Variants in CYRIB observed in about 807,000 individuals in gnomAD.
CYRIB encodes the protein CYFIP-related Rac1 interactor B.
A neutral mutation model predicts 44.2 loss-of-function variants in CYRIB; 8 were observed. The ratio of observed to expected loss-of-function variants is 0.18; its 90% CI spans 0.11 to 0.33. The LOEUF (loss-of-function observed/expected upper bound fraction) is 0.33. Ranked by LOEUF, CYRIB falls within the 10% of genes least tolerant of loss-of-function variation. The pLI is 1.00. For synonymous variants in CYRIB, 131 were observed against 127.2 expected (o/e 1.03, Z -0.20); for missense variants, 185 against 382.8 (o/e 0.48, Z 4.31).
chr8:129,987,011 A>T (rs1276282412), intron 1 of CYRIB, among the ~76,000 whole-genome samples: 1 of 152,198 alleles, frequency 6.6e-6, no homozygotes, highest in Non-Finnish European at 1.5e-5. Flanking sequence ...GCCCCTAACT[A>T]GACAGTAAGA....
chr8:129,862,839 G>A (rs1016028166), intron 4 of CYRIB, among the ~76,000 whole-genome samples: 2 of 152,304 alleles, frequency 1.3e-5, no homozygotes, highest in Non-Finnish European at 2.9e-5. Flanking sequence ...CTCCATAGGA[G>A]TGCTAAGAGT....
At chr8:129,844,545 C>T (rs909452932) in intron 11 of CYRIB, 3 of 152,070 alleles carry the variant, frequency 2.0e-5, no homozygotes, top group Admixed American at 2.0e-4. Context: ...AATCTGAACT[C>T]CCAGCTCTCT....
At chr8:129,859,936 C>T (rs551976603) in intron 5 of CYRIB, among the ~76,000 whole-genome samples, 7 of 152,258 alleles carry the variant, frequency 4.6e-5, no homozygotes, top group South Asian at 2.1e-4. Context: ...GTAGTTAAAC[C>T]CTGTCAGCAA....
At chr8:129,912,699 GC>G (rs2078662601) in intron 1 of CYRIB, among the ~76,000 whole-genome samples, 2 of 151,914 alleles carry the variant, frequency 1.3e-5, no homozygotes, top group South Asian at 4.2e-4. Flanking sequence ...TTATTAGGAT[GC>G]CCAGGCTGGG....
At chr8:129,943,699 C>T (rs866289083), upstream of CYRIB, among the ~76,000 whole-genome samples, 5 of 144,188 alleles carry the variant, frequency 3.5e-5, no homozygotes, top group Non-Finnish European at 4.5e-5. Context: ...CCCGGGTTCA[C>T]GCCATTCTCC....
chr8:129,877,305 GTTA>G (rs1344591556), intron 3 of CYRIB, among the ~76,000 whole-genome samples: 1 of 152,046 alleles, frequency 6.6e-6, no homozygotes, highest in Non-Finnish European at 1.5e-5. Context: ...TGCATTATTG[GTTA>G]TTATTGTTGC....
chr8:129,856,640 C>T (rs2046338974), intron 5 of CYRIB, among the ~76,000 whole-genome samples: 2 of 152,192 alleles, frequency 1.3e-5, no homozygotes, highest in South Asian at 2.1e-4. Context: ...TATGTCAGGT[C>T]ATCAGCCCGT....
intron 1 of CYRIB, among the ~76,000 whole-genome samples, chr8:129,922,635 G>A (rs1022855001): frequency 4.6e-5 from 7 of 151,800 alleles, no homozygotes; most frequent in African/African-American, 1.2e-4. Flanking sequence ...AGGCCGAGGC[G>A]GGCGGATCAC....
chr8:129,980,193 A>G (rs1209933094), intron 1 of CYRIB, among the ~76,000 whole-genome samples: 1 of 145,408 alleles, frequency 6.9e-6, no homozygotes, highest in Non-Finnish European at 1.5e-5. Flanking sequence ...GCACCACTGC[A>G]CTCCAGCCCG....
At chr8:129,894,081 T>C (rs1031312777) in intron 2 of CYRIB, among the ~76,000 whole-genome samples, 15 of 152,218 alleles carry the variant, frequency 9.9e-5, no homozygotes, top group Non-Finnish European at 1.9e-4. Context: ...CCTCTACTGA[T>C]TGACAATGAG....
intron 4 of CYRIB, among the ~76,000 whole-genome samples, chr8:129,867,635 T>TA (rs1236195721): frequency 1.3e-5 from 2 of 151,980 alleles, no homozygotes; most frequent in Non-Finnish European, 2.9e-5. Context: ...TTCAACATTA[T>TA]TAGTACAGTG....
chr8:129,984,055 G>A (rs1340324446), intron 1 of CYRIB, among the ~76,000 whole-genome samples: 1 of 152,206 alleles, frequency 6.6e-6, no homozygotes, highest in East Asian at 1.9e-4. Flanking sequence ...CACAGCTGGG[G>A]CCTCCGTATT....
intron 7 of CYRIB, 45 bp downstream of exon 9, chr8:129,854,221 A>G (rs1466570975): frequency 7.5e-7 from 1 of 1,340,004 alleles, no homozygotes. Context: ...CAGGCTGAGC[A>G]CTAAGTTACT....
chr8:129,998,790 C>A (rs865790204), intron 1 of CYRIB, among the ~76,000 whole-genome samples: 2 of 152,172 alleles, frequency 1.3e-5, no homozygotes, highest in Non-Finnish European at 2.9e-5. Flanking sequence ...TGCCACCCCA[C>A]CCGGCTAATT....
At chr8:129,883,112 C>CAAAAAAAAAAAAAAAAAAAAAAAAAAAAA (rs34764499) in intron 2 of CYRIB, among the ~76,000 whole-genome samples, 1 of 41,242 alleles carries the variant, frequency 2.4e-5, no homozygotes, top group African/African-American at 9.7e-5. Context: ...GACTCCCTCT[C>CAAAAAAAAAAAAAAAAAAAAAAAAAAAAA]AAAAAAAAAA....
intron 2 of CYRIB, among the ~76,000 whole-genome samples, chr8:129,894,736 T>A (rs1025440055): frequency 2.0e-5 from 3 of 152,060 alleles, no homozygotes; most frequent in African/African-American, 7.2e-5. Flanking sequence ...AGCATCATAA[T>A]TTCTTATTTT....
intron 4 of CYRIB, among the ~76,000 whole-genome samples, chr8:129,862,540 G>T (rs1431155697): frequency 1.3e-5 from 2 of 151,810 alleles, no homozygotes; most frequent in Non-Finnish European, 2.9e-5. Context: ...GCGTGATCTC[G>T]GCTCTCTACA....
intron 2 of CYRIB, among the ~76,000 whole-genome samples, chr8:129,965,779 G>C (rs2095454519): frequency 6.6e-6 from 1 of 150,992 alleles, no homozygotes; most frequent in Non-Finnish European, 1.5e-5. Context: ...CTGGGCGACA[G>C]AGCAAGACTC....
intron 1 of CYRIB, among the ~76,000 whole-genome samples, chr8:129,924,623 G>A (rs1299640066): frequency 6.6e-6 from 1 of 152,086 alleles, no homozygotes; most frequent in Non-Finnish European, 1.5e-5. Flanking sequence ...TTAGGCTAAT[G>A]ATCATGACTT....
Sources: gnomAD v4.1 joint callset for allele counts (sites outside exome capture counted in the v4.1 genomes callset) on GRCh38, gnomAD v4.1.1 for gene constraint, MANE v1.5 for transcripts, NCBI Gene and HGNC (gene_info 2026-07-23, HGNC 2026-07-21) for gene names.